The following NKAIN2 variants were observed in gnomAD, a reference collection of about 807,000 sequenced individuals.
NKAIN2 encodes the protein sodium/potassium-transporting ATPase subunit beta-1-interacting protein 2.
A neutral mutation model predicts 32.6 loss-of-function variants in NKAIN2; 14 were observed. That is an observed-to-expected ratio of 0.43 (90% confidence interval 0.28 to 0.67). The LOEUF (loss-of-function observed/expected upper bound fraction) is 0.67, where lower values mean the gene tolerates loss of function less well. NKAIN2 is among the 30% of genes least tolerant of loss of function. The probability of loss-of-function intolerance (pLI) is 0.17; values close to 1 mark genes in which losing one functional copy is unlikely to be tolerated. For synonymous variants in NKAIN2, 80 were observed against 87.2 expected, an observed-to-expected ratio of 0.92 and a Z score of 0.46; for missense variants, 198 against 258.3, an observed-to-expected ratio of 0.77 and a Z score of 1.60.
chr6:124,411,083 G>C (rs1373141363), intron 3 of NKAIN2, among the ~76,000 whole-genome samples: 3 of 150,660 alleles, frequency 2.0e-5, no homozygotes, highest in African/African-American at 7.3e-5. Flanking sequence ...GTCTCTGCAC[G>C]TGAGATGGGT....
chr6:124,344,163 A>C (rs1798283534), intron 2 of NKAIN2, among the ~76,000 whole-genome samples: 1 of 152,088 alleles, frequency 6.6e-6, no homozygotes, highest in South Asian at 2.1e-4. Context: ...ATTATTTCTG[A>C]GGGCTCTGTT....
intron 1 of NKAIN2, among the ~76,000 whole-genome samples, chr6:124,277,320 CT>C (rs1485769387): frequency 6.6e-6 from 1 of 152,056 alleles, no homozygotes; most frequent in Non-Finnish European, 1.5e-5. Context: ...TTTATCTAAA[CT>C]TTAATGGTAC....
At chr6:124,129,118 A>G (rs1210182257) in intron 1 of NKAIN2, among the ~76,000 whole-genome samples, 2 of 152,176 alleles carry the variant, frequency 1.3e-5, no homozygotes, top group East Asian at 3.8e-4. Flanking sequence ...TTAAGATAGA[A>G]TTGTCAGTAC....
intron 3 of NKAIN2, among the ~76,000 whole-genome samples, chr6:124,589,833 C>A: frequency 6.6e-6 from 1 of 151,930 alleles, no homozygotes; most frequent in Non-Finnish European, 1.5e-5. Flanking sequence ...CTTTTGCCCC[C>A]CACCCCCCAA....
At chr6:124,148,413 C>A (rs529825301) in intron 1 of NKAIN2, among the ~76,000 whole-genome samples, 3 of 152,196 alleles carry the variant, frequency 2.0e-5, no homozygotes, top group Admixed American at 1.3e-4. Flanking sequence ...TTATCTCCCC[C>A]CCGACCAACC....
intron 4 of NKAIN2, among the ~76,000 whole-genome samples, chr6:124,783,612 T>G (rs1035758116): frequency 1.3e-5 from 2 of 152,160 alleles, no homozygotes; most frequent in Non-Finnish European, 2.9e-5. Flanking sequence ...TGTTCCACAA[T>G]AGTCCAGCCA....
intron 3 of NKAIN2, among the ~76,000 whole-genome samples, chr6:124,383,836 G>A (rs546174738): frequency 2.0e-5 from 3 of 152,216 alleles, no homozygotes; most frequent in African/African-American, 7.2e-5. Context: ...ACCTGGACTT[G>A]TTAGGAAAAG....
intron 1 of NKAIN2, among the ~76,000 whole-genome samples, chr6:124,265,302 A>T (rs1429562399): frequency 6.6e-6 from 1 of 152,160 alleles, no homozygotes; most frequent in Non-Finnish European, 1.5e-5. Context: ...ACTTTGGAAC[A>T]GTTTATAATT....
At chr6:124,502,454 C>G (rs1041568930) in intron 3 of NKAIN2, among the ~76,000 whole-genome samples, 5 of 152,214 alleles carry the variant, frequency 3.3e-5, no homozygotes, top group African/African-American at 9.6e-5. Flanking sequence ...TTCTTCCACA[C>G]ATACTTTGTG....
chr6:124,134,503 G>C (rs1786635550), intron 1 of NKAIN2, among the ~76,000 whole-genome samples: 1 of 152,090 alleles, frequency 6.6e-6, no homozygotes, highest in African/African-American at 2.4e-5. Flanking sequence ...GGCAAATATG[G>C]TGAAACCCTG....
chr6:123,876,048 AT>A (rs1342844798), intron 1 of NKAIN2, among the ~76,000 whole-genome samples: 2 of 152,006 alleles, frequency 1.3e-5, no homozygotes, highest in African/African-American at 2.4e-5. Context: ...CACCCAAGTC[AT>A]TTTTTGGTGT....
chr6:124,269,057 G>A (rs907691360), intron 1 of NKAIN2, among the ~76,000 whole-genome samples: 9 of 152,188 alleles, frequency 5.9e-5, no homozygotes, highest in Admixed American at 2.0e-4. Context: ...AAATTTAGCA[G>A]TTGAAATGCT....
intron 3 of NKAIN2, among the ~76,000 whole-genome samples, chr6:124,566,802 TCACA>T (rs1413006986): frequency 6.6e-6 from 1 of 151,830 alleles, no homozygotes; most frequent in East Asian, 1.9e-4. Context: ...ATTTAGTATT[TCACA>T]CACACACACA....
At chr6:124,449,622 T>C (rs1776021890) in intron 3 of NKAIN2, among the ~76,000 whole-genome samples, 1 of 151,992 alleles carries the variant, frequency 6.6e-6, no homozygotes, top group East Asian at 1.9e-4. Flanking sequence ...TAATTAATCC[T>C]TCAGTTTGAA....
intron 4 of NKAIN2, among the ~76,000 whole-genome samples, chr6:124,660,802 G>A (rs1248937332): frequency 1.3e-5 from 2 of 152,188 alleles, no homozygotes; most frequent in African/African-American, 2.4e-5. Flanking sequence ...CCAGCTTTGG[G>A]TTGAATGTGT....
intron 1 of NKAIN2, among the ~76,000 whole-genome samples, chr6:124,174,705 G>C (rs1233826629): frequency 6.6e-6 from 1 of 152,058 alleles, no homozygotes; most frequent in Non-Finnish European, 1.5e-5. Flanking sequence ...CCTAAAAGAA[G>C]GCACCACTTC....
chr6:124,565,841 G>A (rs995229479), intron 3 of NKAIN2, among the ~76,000 whole-genome samples: 2 of 152,072 alleles, frequency 1.3e-5, no homozygotes, highest in Non-Finnish European at 2.9e-5. Flanking sequence ...ACAGAAGGAT[G>A]GGAAGTGTTT....
chr6:124,558,009 G>A (rs1780540035), intron 3 of NKAIN2, among the ~76,000 whole-genome samples: 1 of 152,130 alleles, frequency 6.6e-6, no homozygotes, highest in Non-Finnish European at 1.5e-5. Context: ...ACAATGCATT[G>A]CTTTTTAGAT....
chr6:124,524,367 AAT>A (rs1311649909), intron 3 of NKAIN2, among the ~76,000 whole-genome samples: 1 of 152,200 alleles, frequency 6.6e-6, no homozygotes, highest in African/African-American at 2.4e-5. Context: ...AAATATGCTG[AAT>A]ATATAGTTGC....
Sources: allele counts gnomAD v4.1 joint callset (sites outside exome capture counted in the v4.1 genomes callset), GRCh38; gene constraint gnomAD v4.1.1; transcripts MANE v1.5; gene names NCBI Gene and HGNC (gene_info 2026-07-23, HGNC 2026-07-21).